The following MALRD1 variants were observed in gnomAD, a reference collection of about 807,000 sequenced individuals.
The protein encoded by MALRD1 is MAM and LDL receptor class A domain containing 1, also known as MAM and LDL-receptor class A domain-containing protein 1.
Under a neutral mutation model 242.1 loss-of-function variants are expected in MALRD1, and 247 were observed. That is an observed-to-expected ratio of 1.02 (90% CI 0.92 to 1.13). The LOEUF is 1.13. Among genes scored for constraint, MALRD1 ranks in the 50% most tolerant of loss-of-function variants. MALRD1 has a pLI of 0.00. For synonymous variants in MALRD1, 995 were observed against 866.6 expected (o/e 1.15, Z -2.60); for missense variants, 2,989 against 2,533.1 (o/e 1.18, Z -3.86).
At position 19,580,900 on chromosome 10, in the gene MALRD1, G is replaced by C. The variant is rs148660070; in HGVS notation, c.5680+13197G>C. Among the ~76,000 whole-genome samples, 12 of 152,028 alleles carry C rather than the reference G, an allele frequency of 7.9e-5. No homozygotes were observed. The East Asian group carries it at 9.7e-4, about 12-fold the overall frequency. On this transcript the variant is annotated intron_variant, in intron 33 of 39. Coordinates refer to ENST00000454679, the MANE Select transcript of MALRD1 (RefSeq NM_001142308.3). ...ACACACACTCTGTGTACTTTCCCAC[G>C]CATGCCAGGACTCTCTGAGTCTTTA...
intron 28 of MALRD1, among the ~76,000 whole-genome samples, chr10:19,434,671 A>G (rs896913207): frequency 2.0e-5 from 3 of 151,928 alleles, no homozygotes; most frequent in Non-Finnish European, 2.9e-5. Context: ...TATTGTAACT[A>G]TGGAGGATTT....
At chr10:19,396,964 A>C (rs1392766865) in intron 28 of MALRD1, among the ~76,000 whole-genome samples, 1 of 152,130 alleles carries the variant, frequency 6.6e-6, no homozygotes, top group Non-Finnish European at 1.5e-5. Flanking sequence ...TTTTTAAATT[A>C]TTTTTAACTG....
rs976138479 is a variant in MALRD1 at position 19,203,812 on chromosome 10, A to G, written c.2036A>G (p.Gln679Arg). ...CATTTTGACTGGATACGGAGCTCTC[A>G]GAGTGAACTTTCTGCTGATTTTGAG... ...GDHFDWIRSS[Q>R]SELSADFEHQ... is the part of the protein sequence containing the mutation. The change falls in exon 15 of 40, where the codon CAG (glutamine) becomes CGG (arginine). Residue 679 changes from glutamine (Q) to arginine (R), a missense_variant. Gln to Arg is a conservative substitution (Grantham distance 43). Transcript: ENST00000454679. 6 of 1,550,456 alleles carry G rather than the reference A, an allele frequency of 3.9e-6. No homozygotes were observed. Among genetic ancestry groups the G allele is most frequent in the African/African-American group, 1.4e-5 (1 of 73,032 alleles).
intron 28 of MALRD1, among the ~76,000 whole-genome samples, chr10:19,443,219 T>C (rs1044979006): frequency 6.6e-6 from 1 of 152,222 alleles, no homozygotes; most frequent in African/African-American, 2.4e-5. Flanking sequence ...TTTTCTTCTT[T>C]ATTAGTCTTG....
At chr10:19,129,367 A>G (rs1837381832) in intron 8 of MALRD1, among the ~76,000 whole-genome samples, 1 of 152,102 alleles carries the variant, frequency 6.6e-6, no homozygotes, top group Admixed American at 6.6e-5. Flanking sequence ...TATGGAAGAG[A>G]TGAATAGGGC....
chr10:19,346,743 T>G (rs996134154), intron 24 of MALRD1, among the ~76,000 whole-genome samples: 42 of 152,064 alleles, frequency 2.8e-4, no homozygotes, highest in African/African-American at 1.0e-3. Context: ...CTCTACCTCC[T>G]GGGTTCAAGC....
chr10:19,701,827 A>T (rs1833646112), intron 38 of MALRD1, among the ~76,000 whole-genome samples: 1 of 140,038 alleles, frequency 7.1e-6, no homozygotes, highest in Admixed American at 7.4e-5. Context: ...TCCATCCCTC[A>T]CCTTCTCCCT....
At chr10:19,314,158 A>G (rs1373288728) in intron 21 of MALRD1, among the ~76,000 whole-genome samples, 1 of 151,598 alleles carries the variant, frequency 6.6e-6, no homozygotes, top group Non-Finnish European at 1.5e-5. Flanking sequence ...ATAATAAAGA[A>G]GTTAAAAATG....
chr10:19,084,524 A>G (rs1835602930), intron 2 of MALRD1, among the ~76,000 whole-genome samples: 2 of 151,786 alleles, frequency 1.3e-5, no homozygotes, highest in African/African-American at 4.8e-5. Context: ...AACAGGATTT[A>G]TGTTTCTCCT....
At chr10:19,699,928 G>A (rs1833547571) in intron 38 of MALRD1, among the ~76,000 whole-genome samples, 1 of 151,906 alleles carries the variant, frequency 6.6e-6, no homozygotes, top group Non-Finnish European at 1.5e-5. Flanking sequence ...TTCAACATGA[G>A]ATTTGGGTGG....
At chr10:19,231,680 C>T (rs961101094) in intron 18 of MALRD1, among the ~76,000 whole-genome samples, 3 of 152,102 alleles carry the variant, frequency 2.0e-5, no homozygotes, top group Admixed American at 1.3e-4. Context: ...TCTGCCGTGA[C>T]TGTGAGGCCT....
chr10:19,566,298 A>ATTT (rs10548629), intron 32 of MALRD1, among the ~76,000 whole-genome samples: 11 of 111,046 alleles, frequency 9.9e-5, no homozygotes, highest in East Asian at 2.8e-4. Context: ...TGCCTGGCTA[A>ATTT]TTTTTTTTTT....
intron 7 of MALRD1, among the ~76,000 whole-genome samples, chr10:19,127,484 A>G (rs1370309708): frequency 1.3e-5 from 2 of 152,126 alleles, no homozygotes; most frequent in Non-Finnish European, 2.9e-5. Flanking sequence ...GTTTCCTTAG[A>G]GACTTCTTTT....
rs543415548 is a variant in MALRD1 at position 19,052,728 on chromosome 10, A to G, written c.199+3591A>G. Among the ~76,000 whole-genome samples the G allele has an allele frequency of 7.9e-5, 12 of 152,210 alleles. No individual in the cohort carries two copies. In the East Asian group the frequency reaches 2.3e-3, roughly 29 times the overall value. On this transcript the variant is annotated intron_variant, in intron 1 of 39. Coordinates refer to ENST00000454679, the MANE Select transcript of MALRD1 (RefSeq NM_001142308.3). ...CACCCCTGGTTTCTTTAACTCTTAA[A>G]TGATGCCCCTTCCAAGCCATCATCC...
intron 18 of MALRD1, among the ~76,000 whole-genome samples, chr10:19,251,462 G>C (rs10827154): frequency 2.6e-5 from 4 of 151,730 alleles, no homozygotes; most frequent in African/African-American, 9.7e-5. Flanking sequence ...GTGACTGTCT[G>C]ACATGCAGGT....
At chr10:19,476,753 G>A (rs1441230353) in intron 29 of MALRD1, among the ~76,000 whole-genome samples, 1 of 152,104 alleles carries the variant, frequency 6.6e-6, no homozygotes, top group East Asian at 1.9e-4. Flanking sequence ...GCACATAATA[G>A]CACTTATTTT....
intron 5 of MALRD1, among the ~76,000 whole-genome samples, chr10:19,113,791 C>CTA (rs1836766993): frequency 9.6e-6 from 1 of 104,184 alleles, no homozygotes. Context: ...CTACCACCCC[C>CTA]TACACACACA....
chr10:19,340,048 C>A (rs887229616), intron 24 of MALRD1, among the ~76,000 whole-genome samples: 3 of 152,044 alleles, frequency 2.0e-5, no homozygotes, highest in African/African-American at 7.2e-5. Context: ...TGAGGGAAAC[C>A]GTCCTCATGA....
chr10:19,144,919 T>C (rs1355463486), intron 10 of MALRD1, among the ~76,000 whole-genome samples: 1 of 152,210 alleles, frequency 6.6e-6, no homozygotes, highest in South Asian at 2.1e-4. Flanking sequence ...TTAAAGATGA[T>C]AGCATGAAGA....
Sources: allele counts gnomAD v4.1 joint callset (sites outside exome capture counted in the v4.1 genomes callset), GRCh38; gene constraint gnomAD v4.1.1; transcripts MANE v1.5; gene names NCBI Gene and HGNC (gene_info 2026-07-23, HGNC 2026-07-21).